The following TRIM52 variants were observed in gnomAD, a reference collection of about 807,000 sequenced individuals.
TRIM52 encodes E3 ubiquitin-protein ligase TRIM52.
Under a neutral mutation model 27.0 loss-of-function variants are expected in TRIM52, and 24 were observed. The observed-to-expected ratio is 0.89, with a 90% CI of 0.64 to 1.25. The LOEUF is 1.25. Ranked by LOEUF, TRIM52 falls within the 50% of genes most tolerant of loss-of-function variation. The pLI is 0.00. For synonymous variants in TRIM52, 125 were observed against 126.5 expected, an observed-to-expected ratio of 0.99 and a Z score of 0.08; for missense variants, 351 against 354.7, an observed-to-expected ratio of 0.99 and a Z score of 0.08.
downstream of TRIM52, among the ~76,000 whole-genome samples, chr5:181,250,554 A>G (rs1759615752): frequency 6.6e-6 from 1 of 152,160 alleles, no homozygotes; most frequent in Non-Finnish European, 1.5e-5. Flanking sequence ...AAAAAAAAAA[A>G]GAAATGCAGG....
downstream of TRIM52, among the ~76,000 whole-genome samples, chr5:181,252,610 G>A (rs1431551917): frequency 6.6e-6 from 1 of 152,214 alleles, no homozygotes; most frequent in Non-Finnish European, 1.5e-5. Flanking sequence ...GAGGAGTTAG[G>A]AATTGGGGGT....
downstream of TRIM52, among the ~76,000 whole-genome samples, chr5:181,250,628 A>G (rs1241674672): frequency 2.0e-5 from 3 of 152,186 alleles, no homozygotes; most frequent in Non-Finnish European, 4.4e-5. Context: ...GTAGAGAGAA[A>G]CAAAAGATGA....
chr5:181,253,418 C>T (rs1314606008), downstream of TRIM52, among the ~76,000 whole-genome samples: 7 of 142,726 alleles, frequency 4.9e-5, 1 homozygote, highest in Non-Finnish European at 1.0e-4. Flanking sequence ...AACACCTATG[C>T]CAGGCACCGG....
chr5:181,258,574 T>C (rs976945917), intron 1 of TRIM52: 2 of 151,348 alleles, frequency 1.3e-5, no homozygotes, highest in African/African-American at 4.8e-5. Context: ...CAGTGACTTA[T>C]GGTTAGATTT....
At chr5:181,257,208 C>G in intron 1 of TRIM52, 1 of 1,249,818 alleles carries the variant, frequency 8.0e-7, no homozygotes, top group Non-Finnish European at 1.0e-6. Context: ...AAGACGAACT[C>G]TAACTCATGG....
Position 181,260,045 on chromosome 5 carries a change from G to C in TRIM52, c.769C>G (p.Gln257Glu), listed in dbSNP as rs1759966321. 2 of 1,614,042 alleles carry C rather than the reference G, an allele frequency of 1.2e-6. No individual in the cohort carries two copies. Among genetic ancestry groups the C allele is most frequent in the South Asian group, 1.1e-5 (1 of 91,082 alleles). Reference protein sequence around the residue: ...VVCRESRSHKQHSVLPLEEVV... With the variant: ...VVCRESRSHKEHSVLPLEEVV... ...TCCTCCAAAGGCAGCACGCTGTGCT[G>C]TTTGTGGCTCCTGGATTCTCGGCAC... Residue 257 changes from glutamine to glutamate, a missense_variant, in exon 1 of 2, where the codon CAG (glutamine) becomes GAG (glutamate). Gln to Glu is a conservative substitution (Grantham distance 29). Transcript: ENST00000688015. The surrounding 1 kb of genome is among the most constrained non-coding windows in gnomAD (Gnocchi z 4.4).
chr5:181,259,941 C>T (rs1759956873), intron 1 of TRIM52, 60 bp downstream of exon 1: 12 of 1,611,278 alleles, frequency 7.4e-6, no homozygotes, highest in Non-Finnish European at 1.0e-5. Flanking sequence ...ACTCATTCCT[C>T]AGCTCTCCTA....
downstream of TRIM52, among the ~76,000 whole-genome samples, chr5:181,251,314 G>A (rs1375140104): frequency 6.6e-6 from 1 of 151,682 alleles, no homozygotes; most frequent in Non-Finnish European, 1.5e-5. Flanking sequence ...AAAAAGATGA[G>A]ACGAGAAAGC....
intron 1 of TRIM52, chr5:181,258,626 G>A (rs537340633): frequency 1.3e-4 from 20 of 149,818 alleles, no homozygotes; most frequent in East Asian, 3.9e-4. Context: ...TATAAAATGG[G>A]GGCAGGGGGG....
chr5:181,255,064 C>G (rs982220565), downstream of TRIM52: 1 of 152,188 alleles, frequency 6.6e-6, no homozygotes, highest in African/African-American at 2.4e-5. Flanking sequence ...TTCTACTTTT[C>G]ATATACCTGA....
intron 1 of TRIM52, 48 bp downstream of exon 1, chr5:181,259,953 T>C (rs1195918415): frequency 1.9e-6 from 3 of 1,612,072 alleles, no homozygotes; most frequent in Non-Finnish European, 2.5e-6. Context: ...GCTCTCCTAG[T>C]TACCTTTCCA....
Position 181,260,246 on chromosome 5 carries a change from A to AG in TRIM52, c.567dup (p.Phe190LeufsTer33). On this transcript the variant is annotated frameshift_variant, in exon 1 of 2. Coordinates refer to ENST00000688015, the MANE Select transcript of TRIM52 (RefSeq NM_001346048.2). LOFTEE classifies it high-confidence loss of function. The surrounding 1 kb of genome is among the most constrained non-coding windows in gnomAD (Gnocchi z 4.4). ...TTGGGACGAAAGCTGCGACGTGTAA[A>AG]GCTCTTTCGGCACTGGGGGCAGGTG... 6.2e-7 allele frequency: 1 copy of AG among 1,614,180 alleles called. No homozygotes were observed. The highest frequency in any genetic ancestry group is 8.5e-7 in the Non-Finnish European group (1 of 1,180,024).
At position 181,255,416 on chromosome 5, in the gene TRIM52, C is replaced by T. The variant is rs541718281; in HGVS notation, c.*1393G>A. ...ACCCAAGTTTCTCTGGAGTATTTGC[C>T]TGGAAGTTTCTAATCAAAACCATTA... is the stretch of plus-strand genomic sequence containing the variant. On this transcript the variant is annotated 3_prime_UTR_variant, in exon 2 of 2. Coordinates refer to ENST00000688015, the MANE Select transcript of TRIM52 (RefSeq NM_001346048.2). The T allele has an allele frequency of 6.6e-6, 1 of 152,316 alleles. No homozygotes were observed. Among genetic ancestry groups the T allele is most frequent in the East Asian group, 1.9e-4 (1 of 5,186 alleles). The allele number at this position is 152,316 out of a possible 1,614,324, so 9.4% of individuals were successfully genotyped here.
downstream of TRIM52, chr5:181,254,268 C>A (rs1759699616): frequency 7.3e-6 from 1 of 137,146 alleles, no homozygotes; most frequent in African/African-American, 3.2e-5. Flanking sequence ...CCAGCCTGGG[C>A]AACAGAGCGA....
chr5:181,260,922 C>T lies in TRIM52; in HGVS notation c.-109G>A. On this transcript the variant is annotated 5_prime_UTR_variant, in exon 1 of 2. Coordinates refer to ENST00000688015, the MANE Select transcript of TRIM52 (RefSeq NM_001346048.2). The surrounding 1 kb of genome is among the most constrained non-coding windows in gnomAD (Gnocchi z 4.4). ...CTGGTGACCCGAGGCTGTCCTCAAC[C>T]TTGCTCTTCTTCCTCGGGGCCGCAG... 7.0e-7 allele frequency: 1 copy of T among 1,438,416 alleles called. No homozygotes were observed. Among genetic ancestry groups the T allele is most frequent in the Non-Finnish European group, 9.2e-7 (1 of 1,091,926 alleles). 89.1% of individuals were successfully genotyped at this position (1,438,416 alleles called of 1,614,324 possible).
Position 181,261,098 on chromosome 5 carries a change from G to A in TRIM52, c.-285C>T, listed in dbSNP as rs1026319185. On this transcript the variant is annotated 5_prime_UTR_variant, in exon 1 of 2. Coordinates refer to ENST00000688015, the MANE Select transcript of TRIM52 (RefSeq NM_001346048.2). ...ACCCTCAGGGTGTGCCCTACACTGCGGCGTCCGCCTCAGATGCAGCCGCTG... is the reference window on the plus strand; with the variant it reads ...ACCCTCAGGGTGTGCCCTACACTGCAGCGTCCGCCTCAGATGCAGCCGCTG... 1.3e-5 allele frequency: 5 copies of A among 371,788 alleles called. No homozygotes were observed. The highest frequency in any genetic ancestry group is 2.4e-5 in the Non-Finnish European group (5 of 205,276). 23.0% of individuals were successfully genotyped at this position (371,788 alleles called of 1,614,324 possible).
downstream of TRIM52, chr5:181,254,556 T>G (rs1362498334): frequency 6.6e-6 from 1 of 152,060 alleles, no homozygotes. Context: ...TTTGTGTTTT[T>G]AGTAGAGACG....
chr5:181,257,265 A>G (rs1759821064), intron 1 of TRIM52: 2 of 1,298,290 alleles, frequency 1.5e-6, no homozygotes, highest in Non-Finnish European at 2.0e-6. Flanking sequence ...TTCTGGGCCA[A>G]AAAGCCTCTT....
In TRIM52 at chr5:181,260,139, G is replaced by T. The variant is rs372493313; in HGVS notation, c.675C>A (p.Gly225=). The change falls in exon 1 of 2, where the codon GGC becomes GGA. Residue 225 remains glycine, a synonymous_variant. Transcript: ENST00000688015. This position sits in a 1 kb window ranked among gnomAD's most constrained non-coding sequence, Gnocchi z 4.4. ...PYRGNRSNDQ[G]MCFKHQEALK... ...GGGCTTCCTGGTGTTTAAAGCACAT[G>T]CCCTGATCATTACTCCGGTTTCCCC... 13 of 1,614,080 alleles carry T rather than the reference G, an allele frequency of 8.1e-6. No individual in the cohort carries two copies. The African/African-American group carries it at 1.6e-4, about 20-fold the overall frequency.
Sources: gnomAD v4.1 joint callset for allele counts (sites outside exome capture counted in the v4.1 genomes callset) on GRCh38, gnomAD v4.1.1 for gene constraint, Gnocchi (gnomAD v3.1) non-coding constraint, MANE v1.5 for transcripts, NCBI Gene and HGNC (gene_info 2026-07-23, HGNC 2026-07-21) for gene names.